Variants in POFUT3 observed in about 807,000 individuals in gnomAD.
POFUT3 encodes protein O-fucosyltransferase 3, also known as GDP-fucose protein O-fucosyltransferase 3.
the POFUT3 span, among the ~76,000 whole-genome samples, chr8:33,413,216 T>C: frequency 6.6e-6 from 1 of 152,306 alleles, no homozygotes. Context: ...CTAATGTCTT[T>C]GTACTGAGAG....
At chr8:33,413,340 A>G in the POFUT3 span, among the ~76,000 whole-genome samples, 5 of 151,792 alleles carry the variant, frequency 3.3e-5, no homozygotes, top group African/African-American at 9.7e-5. Flanking sequence ...TCGGGCGCTC[A>G]CTTGCTTGCT....
At chr8:33,343,396 C>T in the POFUT3 span, among the ~76,000 whole-genome samples, 1 of 152,324 alleles carries the variant, frequency 6.6e-6, no homozygotes, top group African/African-American at 2.4e-5. Context: ...AAAGCTTTCA[C>T]AATTGATTAC....
chr8:33,466,572 G>A, the POFUT3 span, among the ~76,000 whole-genome samples: 1 of 152,120 alleles, frequency 6.6e-6, no homozygotes, highest in African/African-American at 2.4e-5. Context: ...GTAGTATTGT[G>A]ACTTAGAGCA....
chr8:33,438,469 T>G, the POFUT3 span, among the ~76,000 whole-genome samples: 1 of 152,098 alleles, frequency 6.6e-6, no homozygotes, highest in South Asian at 2.1e-4. Flanking sequence ...GTCCCAGGCA[T>G]GGACCACTCA....
At chr8:33,345,628 T>A in the POFUT3 span, among the ~76,000 whole-genome samples, 5 of 151,478 alleles carry the variant, frequency 3.3e-5, no homozygotes, top group Non-Finnish European at 5.9e-5. Flanking sequence ...TTCAAACTCC[T>A]GACGTCAAGT....
the POFUT3 span, among the ~76,000 whole-genome samples, chr8:33,423,462 G>T: frequency 6.6e-6 from 1 of 151,736 alleles, no homozygotes; most frequent in Non-Finnish European, 1.5e-5. Flanking sequence ...TAGAAATAGG[G>T]TCTCACTATG....
At chr8:33,449,729 C>T in the POFUT3 span, among the ~76,000 whole-genome samples, 1 of 152,020 alleles carries the variant, frequency 6.6e-6, no homozygotes, top group Non-Finnish European at 1.5e-5. Context: ...CTTTATCTTT[C>T]CCTTACCCAG....
At chr8:33,424,512 T>C in the POFUT3 span, among the ~76,000 whole-genome samples, 1 of 152,174 alleles carries the variant, frequency 6.6e-6, no homozygotes, top group Non-Finnish European at 1.5e-5. Context: ...GTCTGCATCG[T>C]TAGGGCCTTC....
chr8:33,313,785 T>A, the POFUT3 span, among the ~76,000 whole-genome samples: 2 of 152,164 alleles, frequency 1.3e-5, no homozygotes, highest in Non-Finnish European at 2.9e-5. Context: ...TAAACACAAT[T>A]GTGCCCATTT....
chr8:33,400,050 T>A, the POFUT3 span, among the ~76,000 whole-genome samples: 1 of 150,776 alleles, frequency 6.6e-6, no homozygotes, highest in Non-Finnish European at 1.5e-5. Flanking sequence ...AAAGATTATA[T>A]GGGAAAAGTA....
At chr8:33,309,101 C>T in the POFUT3 span, among the ~76,000 whole-genome samples, 3 of 129,516 alleles carry the variant, frequency 2.3e-5, no homozygotes, top group Non-Finnish European at 3.1e-5. Flanking sequence ...CTGTTGCTTC[C>T]TAGTCTGGTG....
chr8:33,319,293 G>A, the POFUT3 span, among the ~76,000 whole-genome samples: 26 of 540 alleles, frequency 0.048, 1 homozygote, highest in South Asian at 0.17. Flanking sequence ...TTATATATAT[G>A]TTTATATAAT....
chr8:33,437,574 G>T, the POFUT3 span, among the ~76,000 whole-genome samples: 2 of 152,160 alleles, frequency 1.3e-5, no homozygotes, highest in African/African-American at 4.8e-5. Context: ...ACTGTGGGAG[G>T]CTGAGGCAGA....
chr8:33,370,473 G>A, the POFUT3 span, among the ~76,000 whole-genome samples: 1 of 152,324 alleles, frequency 6.6e-6, no homozygotes, highest in Admixed American at 6.5e-5. Flanking sequence ...GTCCTGTGAG[G>A]GACGTTGCTT....
At chr8:33,347,559 T>C in the POFUT3 span, among the ~76,000 whole-genome samples, 1 of 152,204 alleles carries the variant, frequency 6.6e-6, no homozygotes. Flanking sequence ...ATGGGCAGGT[T>C]TTTAATTAAG....
the POFUT3 span, among the ~76,000 whole-genome samples, chr8:33,375,426 G>T: frequency 7.5e-4 from 114 of 152,346 alleles, 2 homozygotes; most frequent in African/African-American, 2.7e-3. Flanking sequence ...ACAGATAGGA[G>T]TGGGTCAGAG....
At chr8:33,334,185 A>G in the POFUT3 span, among the ~76,000 whole-genome samples, 1 of 152,118 alleles carries the variant, frequency 6.6e-6, no homozygotes, top group African/African-American at 2.4e-5. Context: ...TTGAATGTGC[A>G]TAAGAATCCC....
At chr8:33,373,217 G>A in the POFUT3 span, among the ~76,000 whole-genome samples, 1 of 152,054 alleles carries the variant, frequency 6.6e-6, no homozygotes, top group East Asian at 1.9e-4. Flanking sequence ...TTGCATGTAA[G>A]CGTATTCGAA....
the POFUT3 span, among the ~76,000 whole-genome samples, chr8:33,336,485 T>C: frequency 6.6e-6 from 1 of 152,238 alleles, no homozygotes; most frequent in Non-Finnish European, 1.5e-5. Context: ...TGGCTGTTTT[T>C]AACAACCAGC....
Sources: gnomAD v4.1 joint callset for allele counts (sites outside exome capture counted in the v4.1 genomes callset) on GRCh38, gnomAD v4.1.1 for gene constraint, MANE v1.5 for transcripts, NCBI Gene and HGNC (gene_info 2026-07-23, HGNC 2026-07-21) for gene names.